The following MFSD11 variants were observed in gnomAD, a reference collection of about 807,000 sequenced individuals.
MFSD11 encodes major facilitator superfamily domain containing 11, also known as UNC93-like protein MFSD11.
In MFSD11, 36 loss-of-function variants were observed where a neutral mutation model predicts 53.5. The observed-to-expected ratio is 0.67, with a 90% CI of 0.52 to 0.89. The LOEUF is 0.89. MFSD11 is among the 40% of genes least tolerant of loss of function. The pLI, the probability that MFSD11 is intolerant of heterozygous loss-of-function variation, is 0.00. For missense variants in MFSD11, 530 were observed against 543.9 expected, an observed-to-expected ratio of 0.97 and a Z score of 0.25; for synonymous variants, 186 against 184.9, an observed-to-expected ratio of 1.01 and a Z score of -0.05.
chr17:76,754,298 C>A, intron 8 of MFSD11: 1 of 512,198 alleles, frequency 2.0e-6, no homozygotes, highest in South Asian at 2.5e-5. Flanking sequence ...GCCCACCTGC[C>A]CAGGTGTGTG....
At chr17:76,794,272 T>C in the MFSD11 span, among the ~76,000 whole-genome samples, 8 of 150,738 alleles carry the variant, frequency 5.3e-5, no homozygotes, top group African/African-American at 2.0e-4. Context: ...TTACCTGAGG[T>C]CAGGAGTTCG....
chr17:76,751,439 A>AT (rs1317395571), intron 7 of MFSD11, among the ~76,000 whole-genome samples: 2 of 151,956 alleles, frequency 1.3e-5, no homozygotes, highest in Non-Finnish European at 2.9e-5. Flanking sequence ...CACACCTGTA[A>AT]TCCCAACACT....
At chr17:76,800,200 C>G in the MFSD11 span, among the ~76,000 whole-genome samples, 2 of 152,144 alleles carry the variant, frequency 1.3e-5, no homozygotes, top group South Asian at 4.1e-4. Context: ...AGTGATCCAC[C>G]TGCCTCGGCC....
chr17:76,737,300 G>A (rs1159844361), upstream of MFSD11: 17 of 1,199,736 alleles, frequency 1.4e-5, no homozygotes, highest in Admixed American at 2.9e-5. Flanking sequence ...GCACGGACGG[G>A]CTCCGCAGGC....
intron 7 of MFSD11, among the ~76,000 whole-genome samples, chr17:76,747,244 T>G (rs1045449792): frequency 1.3e-5 from 2 of 152,106 alleles, no homozygotes; most frequent in Non-Finnish European, 2.9e-5. Flanking sequence ...CTGGGTACAG[T>G]GGCTCACGCC....
chr17:76,783,408 A>G (rs1028799718), downstream of MFSD11, among the ~76,000 whole-genome samples: 1 of 152,084 alleles, frequency 6.6e-6, no homozygotes, highest in Non-Finnish European at 1.5e-5. Context: ...GTGAGTATGA[A>G]AACATTCTCC....
In MFSD11 at chr17:76,778,253, C is replaced by T. The variant is rs761472433; in HGVS notation, c.1251C>T (p.Val417=). The T allele has an allele frequency of 9.3e-6, 15 of 1,614,120 alleles. No individual in the cohort carries two copies. The South Asian group carries it at 1.5e-4, about 17-fold the overall frequency. The change falls in exon 13 of 13, where the codon GTC becomes GTT. Residue 417 remains valine, a synonymous_variant. Transcript: ENST00000685175. ...NYLLLHWQLL[V]MVIFGFFGTI... ...TTCTCCTTCACTGGCAACTCCTGGT[C>T]ATGGTGATATTTGGGTTTTTTGGAA...
chr17:76,789,705 G>A, the MFSD11 span, among the ~76,000 whole-genome samples: 160 of 149,938 alleles, frequency 1.1e-3, 6 homozygotes, highest in Middle Eastern at 3.4e-3. Flanking sequence ...GCTCAGTTCT[G>A]CCTAACTGCC....
chr17:76,767,961 A>G (rs1259195605), intron 9 of MFSD11, among the ~76,000 whole-genome samples: 2 of 152,204 alleles, frequency 1.3e-5, no homozygotes, highest in Non-Finnish European at 2.9e-5. Flanking sequence ...GGCAATGCAG[A>G]GCGCTACAGA....
chr17:76,760,527 CT>C (rs113259380), intron 8 of MFSD11, among the ~76,000 whole-genome samples: 282 of 144,374 alleles, frequency 2.0e-3, no homozygotes, highest in Middle Eastern at 3.5e-3. Context: ...AGTTTTCTTT[CT>C]TTTTTTTTTT....
At chr17:76,772,100 G>GA (rs928725420) in intron 10 of MFSD11, among the ~76,000 whole-genome samples, 4 of 151,892 alleles carry the variant, frequency 2.6e-5, no homozygotes, top group African/African-American at 9.6e-5. Context: ...CTGCTTTTTT[G>GA]AAAAAAATAA....
chr17:76,742,294 C>G (rs767197995), intron 5 of MFSD11, 21 bp downstream of exon 5: 1 of 1,583,454 alleles, frequency 6.3e-7, no homozygotes, highest in South Asian at 1.1e-5. Flanking sequence ...TTTTGAGGTT[C>G]AGTCTTTCCT....
intron 8 of MFSD11, among the ~76,000 whole-genome samples, chr17:76,759,917 C>T (rs907231429): frequency 4.6e-5 from 7 of 150,550 alleles, no homozygotes; most frequent in Admixed American, 2.0e-4. Context: ...ATTTTCTATA[C>T]GTATTATATA....
In MFSD11 at chr17:76,778,623, T is replaced by C. The variant is rs1394867028; in HGVS notation, c.*271T>C. ...TCATCTATCTCAATTCTTATAATCA[T>C]GTTATAGAATGTAAATGTTTTCTTC... On this transcript the variant is annotated 3_prime_UTR_variant, in exon 13 of 13. Transcript: ENST00000685175. The C allele has an allele frequency of 5.5e-6, 2 of 364,114 alleles. No homozygotes were observed. Among genetic ancestry groups the C allele is most frequent in the Admixed American group, 4.2e-5 (1 of 23,698 alleles). 22.6% of individuals were successfully genotyped at this position (364,114 alleles called of 1,614,324 possible). A position where few individuals can be genotyped will look rare whatever the true frequency, so the allele number is the denominator to read the frequency against.
intron 7 of MFSD11, 35 bp from the exon 8 acceptor site, chr17:76,754,012 A>G: frequency 6.4e-7 from 1 of 1,569,148 alleles, no homozygotes. Context: ...ATTTTCAAAA[A>G]GAAAAAACTT....
intron 7 of MFSD11, among the ~76,000 whole-genome samples, chr17:76,749,015 C>G (rs1010068216): frequency 6.6e-6 from 1 of 152,012 alleles, no homozygotes; most frequent in African/African-American, 2.4e-5. Context: ...AGCTTACTTT[C>G]TAGTTGGTGA....
the MFSD11 span, among the ~76,000 whole-genome samples, chr17:76,791,498 C>G: frequency 4.7e-5 from 7 of 148,620 alleles, 2 homozygotes; most frequent in Non-Finnish European, 8.9e-5. Flanking sequence ...TTTGATGACT[C>G]ATATTGTAGA....
intron 10 of MFSD11, 99 bp from the exon 11 acceptor site, chr17:76,774,898 A>C: frequency 8.2e-7 from 1 of 1,221,112 alleles, no homozygotes; most frequent in African/African-American, 1.5e-5. Context: ...AAATTTAACA[A>C]GTGAGAATGT....
At chr17:76,737,287 A>G (rs1195496251), upstream of MFSD11, 2 of 1,312,170 alleles carry the variant, frequency 1.5e-6, no homozygotes, top group Non-Finnish European at 2.0e-6. Flanking sequence ...TTGCCGCAGA[A>G]CAGCACGGAC....
Sources: gnomAD v4.1 joint callset for allele counts (sites outside exome capture counted in the v4.1 genomes callset) on GRCh38, gnomAD v4.1.1 for gene constraint, MANE v1.5 for transcripts, NCBI Gene and HGNC (gene_info 2026-07-23, HGNC 2026-07-21) for gene names.